Variants in GAB2 observed in about 807,000 individuals in gnomAD.
GAB2 encodes GRB2-associated-binding protein 2.
In GAB2, 26 loss-of-function variants were observed where a neutral mutation model predicts 65.5. The observed-to-expected ratio is 0.40, with a 90% CI of 0.29 to 0.55. The LOEUF is 0.55. Among genes scored for constraint, GAB2 ranks in the 20% least tolerant of loss-of-function variants. GAB2 has a pLI of 0.53. For synonymous variants in GAB2, 321 were observed against 329.6 expected, an observed-to-expected ratio of 0.97 and a Z score of 0.28; for missense variants, 884 against 875.8, an observed-to-expected ratio of 1.01 and a Z score of -0.12.
rs182062867 is a variant in GAB2, at chr11:78,287,895, G to A, written c.76-6994C>T. Among the ~76,000 whole-genome samples the A allele has an allele frequency of 3.0e-3, 452 of 151,936 alleles. 2 individuals carry two copies. The highest frequency in any genetic ancestry group is 0.01 in the African/African-American group (420 of 41,474). ...ACTCTTGGCCTCAAGTGATCCACCTGCCTTGGCCTCCCAAAGTGCTGGGAT... is the reference window on the plus strand; with the variant it reads ...ACTCTTGGCCTCAAGTGATCCACCTACCTTGGCCTCCCAAAGTGCTGGGAT... On this transcript the variant is annotated intron_variant, in intron 1 of 9. Coordinates refer to ENST00000361507, the MANE Select transcript of GAB2 (RefSeq NM_080491.3).
At chr11:78,225,753 A>G (rs1275333159) in intron 4 of GAB2, among the ~76,000 whole-genome samples, 1 of 152,182 alleles carries the variant, frequency 6.6e-6, no homozygotes, top group Non-Finnish European at 1.5e-5. Context: ...ACTCTATTTA[A>G]GTCTCTTAAC....
intron 1 of GAB2, among the ~76,000 whole-genome samples, chr11:78,382,276 C>G (rs754200965): frequency 1.3e-5 from 2 of 152,174 alleles, no homozygotes; most frequent in African/African-American, 2.4e-5. Flanking sequence ...AGGCCAAGGA[C>G]TGTATCATTT....
chr11:78,415,140 G>A lies in GAB2; in HGVS notation c.75+2506C>T, dbSNP rs1021150482. On this transcript the variant is annotated intron_variant, in intron 1 of 9. Transcript: ENST00000361507. ...ACCCGCCTCAGCCTCCCAAAGTGCTGGGATTACAGGCATAAGCCACTGCGC... is the reference window on the plus strand; with the variant it reads ...ACCCGCCTCAGCCTCCCAAAGTGCTAGGATTACAGGCATAAGCCACTGCGC... 2.0e-5 allele frequency among the ~76,000 whole-genome samples: 3 copies of A among 152,316 alleles called. No individual in the cohort carries two copies. In the East Asian group the frequency reaches 5.8e-4, roughly 29 times the overall value.
At chr11:78,379,892 T>G (rs921423993) in intron 1 of GAB2, among the ~76,000 whole-genome samples, 4 of 152,220 alleles carry the variant, frequency 2.6e-5, no homozygotes, top group African/African-American at 9.6e-5. Context: ...GTCAGTAACC[T>G]GAAAGAAAAA....
chr11:78,234,863 A>C (rs1864941855), intron 3 of GAB2, among the ~76,000 whole-genome samples: 2 of 152,008 alleles, frequency 1.3e-5, no homozygotes, highest in Admixed American at 6.6e-5. Context: ...TACAAAAATT[A>C]GCCAAGCATG....
At chr11:78,406,456 C>A (rs1363146600) in intron 1 of GAB2, among the ~76,000 whole-genome samples, 7 of 151,904 alleles carry the variant, frequency 4.6e-5, no homozygotes, top group African/African-American at 1.5e-4. Context: ...TGGCTCAGAG[C>A]AACCTCTGCC....
intron 1 of GAB2, among the ~76,000 whole-genome samples, chr11:78,415,817 G>C (rs1857187805): frequency 6.6e-6 from 1 of 152,214 alleles, no homozygotes; most frequent in Admixed American, 6.5e-5. Flanking sequence ...TAGAGTCTGG[G>C]TGAGAGTTCA....
At chr11:78,365,433 C>T (rs572868040) in intron 1 of GAB2, among the ~76,000 whole-genome samples, 1 of 152,294 alleles carries the variant, frequency 6.6e-6, no homozygotes, top group South Asian at 2.1e-4. Context: ...ATTTAGAGGG[C>T]AGTGCTAATG....
At chr11:78,309,043 T>G (rs1293258463) in intron 1 of GAB2, among the ~76,000 whole-genome samples, 3 of 152,010 alleles carry the variant, frequency 2.0e-5, no homozygotes, top group Non-Finnish European at 1.5e-5. Context: ...GTAATGTCAC[T>G]GGGAGTGGGG....
intron 2 of GAB2, among the ~76,000 whole-genome samples, chr11:78,276,492 G>A (rs928455355): frequency 2.0e-5 from 3 of 152,146 alleles, no homozygotes; most frequent in Admixed American, 6.5e-5. Flanking sequence ...TGGTGTATGT[G>A]TCGCTAATCT....
At chr11:78,347,449 T>C (rs1343576656) in intron 1 of GAB2, among the ~76,000 whole-genome samples, 1 of 152,204 alleles carries the variant, frequency 6.6e-6, no homozygotes, top group East Asian at 1.9e-4. Flanking sequence ...ATCATGGACT[T>C]GAGCCTTGGT....
At chr11:78,397,540 T>C (rs554334855) in intron 1 of GAB2, among the ~76,000 whole-genome samples, 2 of 152,312 alleles carry the variant, frequency 1.3e-5, no homozygotes, top group South Asian at 4.1e-4. Context: ...AGGTGGCAAG[T>C]GAAATTAGTC....
intron 2 of GAB2, among the ~76,000 whole-genome samples, chr11:78,267,377 C>G (rs576459779): frequency 2.0e-5 from 3 of 152,328 alleles, no homozygotes; most frequent in Admixed American, 2.0e-4. Flanking sequence ...ACCTCTAGAT[C>G]ACTATTTCCC....
chr11:78,222,093 A>G lies in GAB2; in HGVS notation c.1658+12T>C, dbSNP rs774645331. 2 of 1,570,118 alleles carry G rather than the reference A, an allele frequency of 1.3e-6. No homozygotes were observed. The highest frequency in any genetic ancestry group is 2.2e-5 in the South Asian group (2 of 90,212). ...CGACTCCAAGCTCCCACCCCCACAC[A>G]TACGCACTTACTTGGCCCTAGACCA... On this transcript the variant is annotated intron_variant, in intron 7 of 9. Coordinates refer to ENST00000361507, the MANE Select transcript of GAB2 (RefSeq NM_080491.3).
intron 1 of GAB2, among the ~76,000 whole-genome samples, chr11:78,365,765 C>A (rs966739141): frequency 6.6e-6 from 1 of 152,120 alleles, no homozygotes; most frequent in East Asian, 1.9e-4. Context: ...AGCCTTGGAT[C>A]GCAAAAAGCC....
chr11:78,374,757 C>T (rs1290750495), intron 1 of GAB2, among the ~76,000 whole-genome samples: 1 of 152,000 alleles, frequency 6.6e-6, no homozygotes, highest in Non-Finnish European at 1.5e-5. Context: ...ATGTAAAAGA[C>T]AGACCCATTA....
At chr11:78,405,762 C>T (rs1481409644) in intron 1 of GAB2, among the ~76,000 whole-genome samples, 1 of 152,204 alleles carries the variant, frequency 6.6e-6, no homozygotes, top group Non-Finnish European at 1.5e-5. Flanking sequence ...TGATAAATTC[C>T]ATGAGTTTTC....
At chr11:78,359,553 G>C (rs1233370091) in intron 1 of GAB2, among the ~76,000 whole-genome samples, 1 of 152,084 alleles carries the variant, frequency 6.6e-6, no homozygotes, top group Non-Finnish European at 1.5e-5. Context: ...TCTCACTAAA[G>C]GCAATTCTAA....
chr11:78,343,347 A>T (rs72931669), intron 1 of GAB2, among the ~76,000 whole-genome samples: 13,448 of 147,296 alleles, frequency 0.091, 795 homozygotes, highest in Admixed American at 0.14. Context: ...GCAATGTAGT[A>T]CAAGAAGGAA....
Sources: allele counts gnomAD v4.1 joint callset (sites outside exome capture counted in the v4.1 genomes callset), GRCh38; gene constraint gnomAD v4.1.1; transcripts MANE v1.5; gene names NCBI Gene and HGNC (gene_info 2026-07-23, HGNC 2026-07-21).